The following VEPH1 variants were observed in gnomAD, a reference collection of about 807,000 sequenced individuals.
VEPH1 encodes ventricular zone-expressed PH domain-containing protein homolog 1.
Under a neutral mutation model 85.2 loss-of-function variants are expected in VEPH1, and 80 were observed. The ratio of observed to expected loss-of-function variants is 0.94; its 90% CI spans 0.78 to 1.13. The LOEUF is 1.13. Ranked by LOEUF, VEPH1 falls within the 50% of genes most tolerant of loss-of-function variation. The pLI is 0.00. For missense variants in VEPH1, 955 were observed against 980.5 expected, an observed-to-expected ratio of 0.97 and a Z score of 0.35; for synonymous variants, 297 against 348.0, an observed-to-expected ratio of 0.85 and a Z score of 1.63.
At chr3:157,389,460 C>G (rs1036525438) in intron 6 of VEPH1, among the ~76,000 whole-genome samples, 2 of 152,172 alleles carry the variant, frequency 1.3e-5, no homozygotes, top group East Asian at 1.9e-4. Flanking sequence ...TCAACCTCAG[C>G]TGGGGACAAC....
intron 2 of VEPH1, among the ~76,000 whole-genome samples, chr3:157,480,386 T>C (rs1737923179): frequency 6.6e-6 from 1 of 152,242 alleles, no homozygotes; most frequent in Non-Finnish European, 1.5e-5. Context: ...TTTGGGGGCA[T>C]AAATTATGCT....
At chr3:157,436,380 T>C (rs1248990327) in intron 4 of VEPH1, among the ~76,000 whole-genome samples, 1 of 152,176 alleles carries the variant, frequency 6.6e-6, no homozygotes, top group African/African-American at 2.4e-5. Context: ...CTATTCTTAA[T>C]ATGTTGGTTT....
chr3:157,502,158 C>T (rs6441133), intron 1 of VEPH1, among the ~76,000 whole-genome samples: 33,967 of 152,050 alleles, frequency 0.22, 4,064 homozygotes, highest in East Asian at 0.35. Flanking sequence ...TTATTCTAAG[C>T]AATGCTAAAG....
intron 2 of VEPH1, among the ~76,000 whole-genome samples, chr3:157,470,935 T>C (rs1231398396): frequency 6.6e-6 from 1 of 152,204 alleles, no homozygotes; most frequent in Non-Finnish European, 1.5e-5. Flanking sequence ...ATTAGTTTTC[T>C]CCCTCTTTCT....
chr3:157,501,682 G>A (rs998260152), intron 1 of VEPH1, among the ~76,000 whole-genome samples: 2 of 152,178 alleles, frequency 1.3e-5, no homozygotes, highest in African/African-American at 4.8e-5. Context: ...ACTCTTGGGG[G>A]AGATTTCAAT....
intron 2 of VEPH1, among the ~76,000 whole-genome samples, chr3:157,482,280 G>A (rs1738181322): frequency 6.6e-6 from 1 of 152,144 alleles, no homozygotes; most frequent in Non-Finnish European, 1.5e-5. Context: ...CTGGAGTGCA[G>A]TGATGGGATC....
chr3:157,261,091 C>T lies in VEPH1; in HGVS notation c.*43G>A, dbSNP rs766359656. 1 of 1,604,550 alleles carries T rather than the reference C, an allele frequency of 6.2e-7. No individual in the cohort carries two copies. On this transcript the variant is annotated 3_prime_UTR_variant, in exon 14 of 14. Coordinates refer to ENST00000362010, the MANE Select transcript of VEPH1 (RefSeq NM_001167912.2). ...TTTCTTGACATTGGCAATGATAATA[C>T]AATGCCTGTGGTGTATAATTGTCAT...
chr3:157,282,956 T>G (rs1716330490), intron 12 of VEPH1, among the ~76,000 whole-genome samples: 1 of 152,244 alleles, frequency 6.6e-6, no homozygotes, highest in Non-Finnish European at 1.5e-5. Flanking sequence ...CTCTGAACTT[T>G]TATAAAATGA....
At chr3:157,370,164 G>C (rs1727326722) in intron 7 of VEPH1, among the ~76,000 whole-genome samples, 1 of 152,130 alleles carries the variant, frequency 6.6e-6, no homozygotes, top group East Asian at 1.9e-4. Flanking sequence ...GGATTCCCAG[G>C]GGGAGGCCTA....
At chr3:157,358,540 G>T (rs934646189) in intron 9 of VEPH1, among the ~76,000 whole-genome samples, 5 of 152,152 alleles carry the variant, frequency 3.3e-5, no homozygotes, top group African/African-American at 1.2e-4. Context: ...TTCCCCAGAA[G>T]CATTAAGTGG....
chr3:157,335,528 G>A (rs148270347), intron 9 of VEPH1, among the ~76,000 whole-genome samples: 1 of 152,306 alleles, frequency 6.6e-6, no homozygotes, highest in African/African-American at 2.4e-5. Context: ...GATTTATTAT[G>A]AAGAAAGGTA....
intron 4 of VEPH1, chr3:157,459,923 C>G: frequency 6.5e-7 from 1 of 1,537,170 alleles, no homozygotes; most frequent in Non-Finnish European, 8.7e-7. Context: ...TGCAGTTCTT[C>G]AAACTGAGAA....
At chr3:157,343,036 A>C (rs1434071442) in intron 9 of VEPH1, among the ~76,000 whole-genome samples, 1 of 152,248 alleles carries the variant, frequency 6.6e-6, no homozygotes, top group Non-Finnish European at 1.5e-5. Flanking sequence ...CAGTGTGCAG[A>C]GGGAAATTTA....
rs1730227841 is a variant in VEPH1, at chr3:157,395,001, T to G, written c.907-13625A>C. On this transcript the variant is annotated intron_variant, in intron 6 of 13. Coordinates refer to ENST00000362010, the MANE Select transcript of VEPH1 (RefSeq NM_001167912.2). ...TGTCACCTGGTTGGCATTGTAATTA[T>G]GACTTCAAATAGCCATTCTATTGTT... Among the ~76,000 whole-genome samples the G allele has an allele frequency of 2.6e-5, 4 of 152,172 alleles. No homozygotes were observed. In the South Asian group the frequency reaches 8.3e-4, roughly 32 times the overall value.
rs1314486630 is a variant in VEPH1, at chr3:157,278,716, G to A, written c.2128+7841C>T. Among the ~76,000 whole-genome samples, 14 of 152,326 alleles carry A rather than the reference G, an allele frequency of 9.2e-5. No homozygotes were observed. In the East Asian group the frequency reaches 2.7e-3, roughly 29 times the overall value. ...AATGGACAGATTTGAGAGCAATTGA[G>A]AAAGTAAAATCCTCAATCTTGTGGT... On this transcript the variant is annotated intron_variant, in intron 12 of 13. Transcript: ENST00000362010.
At chr3:157,287,757 G>A (rs1716966705) in intron 11 of VEPH1, among the ~76,000 whole-genome samples, 1 of 151,982 alleles carries the variant, frequency 6.6e-6, no homozygotes, top group Admixed American at 6.6e-5. Flanking sequence ...TAGAGACAGG[G>A]TTATGCCGTG....
chr3:157,460,871 C>T (rs534796853), intron 3 of VEPH1, among the ~76,000 whole-genome samples: 17 of 151,924 alleles, frequency 1.1e-4, no homozygotes, highest in East Asian at 1.9e-4. Context: ...AGGGGAGAGA[C>T]GGGGCAGGTA....
intron 9 of VEPH1, among the ~76,000 whole-genome samples, chr3:157,332,604 T>C (rs1429139329): frequency 6.6e-6 from 1 of 152,216 alleles, no homozygotes; most frequent in Non-Finnish European, 1.5e-5. Context: ...TAACATTCCA[T>C]CATATGAATA....
intron 11 of VEPH1, among the ~76,000 whole-genome samples, chr3:157,297,189 T>C (rs1718241869): frequency 6.6e-6 from 1 of 152,206 alleles, no homozygotes; most frequent in Admixed American, 6.5e-5. Flanking sequence ...TTTTTGTCTC[T>C]CAGCTAGATA....
Sources: gnomAD v4.1 joint callset for allele counts (sites outside exome capture counted in the v4.1 genomes callset) on GRCh38, gnomAD v4.1.1 for gene constraint, MANE v1.5 for transcripts, NCBI Gene and HGNC (gene_info 2026-07-23, HGNC 2026-07-21) for gene names.